Variants in F12 observed in about 807,000 individuals in gnomAD.
F12 encodes Hageman factor.
A neutral mutation model predicts 74.8 loss-of-function variants in F12; 70 were observed. The observed-to-expected ratio is 0.94, with a 90% confidence interval of 0.77 to 1.14. F12 has a LOEUF of 1.14. Among genes scored for constraint, F12 ranks in the 50% most tolerant of loss-of-function variants. The pLI is 0.00. For synonymous variants in F12, 373 were observed against 356.4 expected, an observed-to-expected ratio of 1.05 and a Z score of -0.52; for missense variants, 811 against 835.7, an observed-to-expected ratio of 0.97 and a Z score of 0.36.
Position 177,402,646 on chromosome 5 carries a change from G to A in F12, c.1584C>T (p.Ser528=). ...FLQEAQVPFL[S]LERCSAPDVH... The stretch of plus-strand genomic sequence containing the variant: ...CGTCCGGGGCTGAGCAGCGCTCCAG[G>A]GAGAGGAACGGTACCTGCGCCTCCT... Residue 528 remains serine (S), a synonymous_variant, in exon 13 of 14, where the codon TCC becomes TCT. Coordinates refer to ENST00000253496, the MANE Select transcript of F12 (RefSeq NM_000505.4). The A allele has an allele frequency of 6.2e-7, 1 of 1,612,944 alleles. No individual in the cohort carries two copies. Among genetic ancestry groups the A allele is most frequent in the African/African-American group, 1.3e-5 (1 of 75,052 alleles).
chr5:177,408,756 AG>A (rs1490055943), intron 2 of F12, among the ~76,000 whole-genome samples: 2 of 152,246 alleles, frequency 1.3e-5, no homozygotes, highest in African/African-American at 4.8e-5. Flanking sequence ...TACTGGGGAA[AG>A]GAAAAGAAGG....
Position 177,403,627 on chromosome 5 carries a change from G to C in F12, c.1251-10C>G, listed in dbSNP as rs755250673. ...ATCCTCGGGTGCGGGCCTGCGGGGGGGGTAGGGGAGAGGCAGCGCTCTCAG... is the reference window on the plus strand; with the variant it reads ...ATCCTCGGGTGCGGGCCTGCGGGGGCGGTAGGGGAGAGGCAGCGCTCTCAG... On this transcript the variant is annotated splice_polypyrimidine_tract_variant and intron_variant, in intron 10 of 13. Transcript: ENST00000253496. The C allele has an allele frequency of 8.7e-6, 14 of 1,600,448 alleles. No homozygotes were observed. In the East Asian group the frequency reaches 2.2e-4, roughly 26 times the overall value.
chr5:177,403,212 A>G (rs770430735), intron 12 of F12, 42 bp downstream of exon 12: 1 of 1,597,976 alleles, frequency 6.3e-7, no homozygotes, highest in Admixed American at 1.7e-5. Flanking sequence ...CCAGTGATCA[A>G]AGGTCTCCTC....
rs1166110577 is a variant in F12 at position 177,402,610 on chromosome 5, G to A, written c.1620C>T (p.Ser540=). ...ERCSAPDVHG[S]SILPGMLCAG... ...CGCAGAGCATGCCGGGGAGGATGGA[G>A]GATCCGTGCACGTCCGGGGCTGAGC... Residue 540 remains serine, a synonymous_variant, in exon 13 of 14, where the codon TCC becomes TCT. Transcript: ENST00000253496. 1.2e-6 allele frequency: 2 copies of A among 1,613,210 alleles called. No homozygotes were observed. Among genetic ancestry groups the A allele is most frequent in the Admixed American group, 1.7e-5 (1 of 60,020 alleles).
Position 177,405,166 on chromosome 5 carries a change from C to A in F12, c.417G>T (p.Gln139His). 1 of 1,614,006 alleles carries A rather than the reference C, an allele frequency of 6.2e-7. No homozygotes were observed. The highest frequency in any genetic ancestry group is 1.7e-5 in the Admixed American group (1 of 60,026). Residue 139 changes from glutamine (Q) to histidine (H), a missense_variant, in exon 6 of 14, where the codon CAG becomes CAT. By Grantham distance (24) the Gln-to-His change is conservative. Transcript: ENST00000253496. ...CATTCTTGTGGAAAAACCGGAGAAG[C>A]TGAGGCTCAAAGCACTTCTCTGGGG... ...HCQKEKCFEPQLLRFFHKNEI... is the reference protein window; with the variant it reads ...HCQKEKCFEPHLLRFFHKNEI...
rs61743702 is a variant in F12, at chr5:177,404,542, C to G, written c.757G>C (p.Glu253Gln). The change falls in exon 8 of 14, where the codon GAG becomes CAG. Residue 253 changes from glutamate (E) to glutamine (Q), a missense_variant. Glu to Gln is a conservative substitution (Grantham distance 29). Transcript: ENST00000253496. ...CCCAGTCCCCAGTTCCGCGCTTGCT[C>G]GGCAGTCACGTTCCGGTAGGTGGCC... ...SEATYRNVTA[E>Q]QARNWGLGGH... The G allele has an allele frequency of 1.6e-4, 260 of 1,602,826 alleles. 1 individual carries two copies. In the African/African-American group the frequency reaches 2.4e-3, roughly 15 times the overall value.
At chr5:177,406,476 G>C (rs983308311) in intron 2 of F12, among the ~76,000 whole-genome samples, 4 of 151,688 alleles carry the variant, frequency 2.6e-5, no homozygotes, top group Admixed American at 6.6e-5. Flanking sequence ...GTGACAGAGT[G>C]AGACTCCATC....
chr5:177,404,260 C>A lies in F12; in HGVS notation c.954G>T (p.Ala318=). The A allele has an allele frequency of 6.3e-7, 1 of 1,595,258 alleles. No homozygotes were observed. The highest frequency in any genetic ancestry group is 8.5e-7 in the Non-Finnish European group (1 of 1,169,766). Residue 318 remains alanine (A), a synonymous_variant, in exon 9 of 14, where the codon GCG becomes GCT. Transcript: ENST00000253496. ...GCTGAGGCTTCGGCGGTGCCGGCTG[C>A]GCGGGCATGAGTGGGACATGAAGCC... is the stretch of plus-strand genomic sequence containing the variant. ...SPRLHVPLMP[A]QPAPPKPQPT...
intron 4 of F12, 30 bp downstream of exon 4, chr5:177,405,705 C>T (rs1438664939): frequency 6.2e-7 from 1 of 1,607,864 alleles, no homozygotes; most frequent in Admixed American, 1.7e-5. Context: ...GGAGAGAGCC[C>T]CAGGCCACCC....
intron 2 of F12, among the ~76,000 whole-genome samples, chr5:177,408,210 C>G (rs1402685626): frequency 6.6e-6 from 1 of 152,144 alleles, no homozygotes; most frequent in Non-Finnish European, 1.5e-5. Flanking sequence ...CGCATGCCAC[C>G]ATGCCTGGCT....
In F12 at chr5:177,404,081, G is replaced by A. The variant is rs774310363; in HGVS notation, c.1028C>T (p.Ala343Val). The change falls in exon 10 of 14, where the codon GCG becomes GTG. Residue 343 changes from alanine to valine, a missense_variant. Coordinates refer to ENST00000253496, the MANE Select transcript of F12 (RefSeq NM_000505.4). ...CAGGGAAGGCGGCTGCTCCCGCTTCGCCGGCAAGGCTGTGGAGGAGCAGGG... is the reference window on the plus strand; with the variant it reads ...CAGGGAAGGCGGCTGCTCCCGCTTCACCGGCAAGGCTGTGGAGGAGCAGGG... The part of the protein sequence containing the change: ...PQSQTPGALP[A>V]KREQPPSLTR... 2.5e-6 allele frequency: 4 copies of A among 1,602,148 alleles called. No homozygotes were observed. The Admixed American group carries it at 6.7e-5, about 27-fold the overall frequency.
In F12 at chr5:177,409,517, A is replaced by C; in HGVS notation, c.11T>G (p.Leu4Arg). 6.2e-7 allele frequency: 1 copy of C among 1,614,148 alleles called. No individual in the cohort carries two copies. The highest frequency in any genetic ancestry group is 8.5e-7 in the Non-Finnish European group (1 of 1,180,020). ...CACCAGCAGGAACCCCAGGAGCAGCAGAGCCCTCATGGCATCCGTCCGTTG... is the reference window on the plus strand; with the variant it reads ...CACCAGCAGGAACCCCAGGAGCAGCCGAGCCCTCATGGCATCCGTCCGTTG... The part of the protein sequence containing the change: MRA[L>R]LLLGFLLVSL... The change falls in exon 1 of 14, where the codon CTG becomes CGG. Residue 4 changes from leucine (L) to arginine (R), a missense_variant. Coordinates refer to ENST00000253496, the MANE Select transcript of F12 (RefSeq NM_000505.4).
Position 177,404,286 on chromosome 5 carries a change from T to A in F12, c.928A>T (p.Arg310Trp), listed in dbSNP as rs749549919. 5.0e-6 allele frequency: 8 copies of A among 1,601,084 alleles called. No homozygotes were observed. The highest frequency in any genetic ancestry group is 2.6e-6 in the Non-Finnish European group (3 of 1,173,526). The change falls in exon 9 of 14, where the codon AGG (arginine) becomes TGG (tryptophan). Residue 310 changes from arginine (R) to tryptophan (W), a missense_variant. By Grantham distance (101) the Arg-to-Trp change is moderately radical. Coordinates refer to ENST00000253496, the MANE Select transcript of F12 (RefSeq NM_000505.4). ...GCGGGCATGAGTGGGACATGAAGCC[T>A]AGGGGACACCGGGGTCGGAGGCGCC... ...QAAPPTPVSP[R>W]LHVPLMPAQP...
intron 11 of F12, 28 bp from the exon 12 acceptor site, chr5:177,403,425 CG>C: frequency 6.4e-7 from 1 of 1,569,838 alleles, no homozygotes. Context: ...GAGCGTGAGG[CG>C]GGGACGCCGG....
Position 177,403,268 on chromosome 5 carries a change from C to A in F12, c.1517G>T (p.Gly506Val), listed in dbSNP as rs764036727. Residue 506 changes from glycine to valine, a missense_variant, in exon 12 of 14, where the codon GGC (glycine) becomes GTC (valine). Transcript: ENST00000253496. ...ETTLCQVAGW[G>V]HQFEGAEEYA... ...GTTGTGCCTACCCTCGAACTGGTGG[C>A]CCCAGCCGGCCACCTGGCAGAGCGT... The A allele has an allele frequency of 6.2e-7, 1 of 1,600,548 alleles. No individual in the cohort carries two copies. Among genetic ancestry groups the A allele is most frequent in the Non-Finnish European group, 8.5e-7 (1 of 1,179,794 alleles).
At position 177,406,075 on chromosome 5, in the gene F12, A is replaced by G; in HGVS notation, c.116-14T>C. ...TGACAGTGAGAACTGCAGGGACAAC[A>G]CACTCTCTGAGGACTTCCCCTGTAC... On this transcript the variant is annotated splice_polypyrimidine_tract_variant and intron_variant, in intron 2 of 13. Coordinates refer to ENST00000253496, the MANE Select transcript of F12 (RefSeq NM_000505.4). 1 of 1,610,758 alleles carries G rather than the reference A, an allele frequency of 6.2e-7. No homozygotes were observed. The highest frequency in any genetic ancestry group is 1.1e-5 in the South Asian group (1 of 91,008).
At position 177,406,044 on chromosome 5, in the gene F12, C is replaced by T; in HGVS notation, c.133G>A (p.Glu45Lys). The change falls in exon 3 of 14, where the codon GAG becomes AAG. Residue 45 changes from glutamate to lysine, a missense_variant. Physicochemically the swap from Glu to Lys is moderately conservative, Grantham distance 56. Coordinates refer to ENST00000253496, the MANE Select transcript of F12 (RefSeq NM_000505.4). ...EHTVVLTVTG[E>K]PCHFPFQYHR... ...TACTGGAAGGGGAAGTGGCAGGGCT[C>T]CCCGGTGACAGTGAGAACTGCAGGG... is the stretch of plus-strand genomic sequence containing the variant. 1.2e-6 allele frequency: 2 copies of T among 1,613,998 alleles called. No individual in the cohort carries two copies. The highest frequency in any genetic ancestry group is 2.7e-5 in the African/African-American group (2 of 75,040).
rs1763241923 is a variant in F12 at position 177,404,721 on chromosome 5, C to T, written c.635-57G>A. The T allele has an allele frequency of 2.5e-6, 4 of 1,602,574 alleles. No individual in the cohort carries two copies. In the African/African-American group the frequency reaches 4.0e-5, roughly 16 times the overall value. On this transcript the variant is annotated intron_variant, in intron 7 of 13. Transcript: ENST00000253496. ...AGGCTGGGCTCTCCTGCCTCCCTCTCATCTGCTTTCCGCACTCTCCCTCCT... is the reference window on the plus strand; with the variant it reads ...AGGCTGGGCTCTCCTGCCTCCCTCTTATCTGCTTTCCGCACTCTCCCTCCT...
chr5:177,402,698 C>T lies in F12; in HGVS notation c.1532G>A (p.Gly511Glu), dbSNP rs1763170356. 2 of 1,611,358 alleles carry T rather than the reference C, an allele frequency of 1.2e-6. No homozygotes were observed. Among genetic ancestry groups the T allele is most frequent in the Admixed American group, 3.3e-5 (2 of 60,006 alleles). ...CAGGAAGCTGGCATATTCCTCCGCC[C>T]CTGCGAACACAGAGCGCCTTCTTCA... ...QVAGWGHQFE[G>E]AEEYASFLQE... is the part of the protein sequence containing the mutation. The change falls in exon 13 of 14, where the codon GGG (glycine) becomes GAG (glutamate). Residue 511 changes from glycine (G) to glutamate (E), a missense_variant and splice_region_variant. Gly to Glu is a moderately conservative substitution (Grantham distance 98, BLOSUM62 -2). Coordinates refer to ENST00000253496, the MANE Select transcript of F12 (RefSeq NM_000505.4).
Sources: allele counts gnomAD v4.1 joint callset (sites outside exome capture counted in the v4.1 genomes callset), GRCh38; gene constraint gnomAD v4.1.1; transcripts MANE v1.5; gene names NCBI Gene and HGNC (gene_info 2026-07-23, HGNC 2026-07-21).